Variants in VEZT observed in about 807,000 individuals in gnomAD.
The protein encoded by VEZT is vezatin.
Under a neutral mutation model 79.9 loss-of-function variants are expected in VEZT, and 39 were observed. The observed-to-expected ratio is 0.49, with a 90% confidence interval of 0.38 to 0.64. The LOEUF is 0.64. VEZT is among the 30% of genes least tolerant of loss of function. The pLI, the probability that VEZT is intolerant of heterozygous loss-of-function variation, is 0.00. For missense variants in VEZT, 837 were observed against 893.1 expected, an observed-to-expected ratio of 0.94 and a Z score of 0.80; for synonymous variants, 325 against 327.6, an observed-to-expected ratio of 0.99 and a Z score of 0.09.
intron 9 of VEZT, among the ~76,000 whole-genome samples, chr12:95,292,633 C>G (rs2073178804): frequency 6.6e-6 from 1 of 151,232 alleles, no homozygotes; most frequent in South Asian, 2.1e-4. Flanking sequence ...ACTGCAACCT[C>G]CGCCTCCCAA....
At chr12:95,234,349 G>C (rs1035151632) in intron 1 of VEZT, among the ~76,000 whole-genome samples, 1 of 148,740 alleles carries the variant, frequency 6.7e-6, no homozygotes, top group African/African-American at 2.5e-5. Context: ...GTGCAATGGC[G>C]CGATCTGGGC....
intron 9 of VEZT, among the ~76,000 whole-genome samples, chr12:95,293,410 TA>T (rs2073439662): frequency 6.6e-6 from 1 of 151,956 alleles, no homozygotes; most frequent in Non-Finnish European, 1.5e-5. Context: ...TTCTTTTTTT[TA>T]AGTAGAAAGA....
intron 1 of VEZT, chr12:95,224,066 A>T (rs1425947607): frequency 2.4e-6 from 1 of 420,890 alleles, no homozygotes. Context: ...TAGTTGAGGG[A>T]TTGATGTTAT....
chr12:95,223,405 G>A (rs539832849), intron 1 of VEZT, among the ~76,000 whole-genome samples: 2 of 151,968 alleles, frequency 1.3e-5, no homozygotes, highest in Admixed American at 1.3e-4. Flanking sequence ...TTTTCTTTTT[G>A]TTTTGCATAG....
chr12:95,234,286 T>G (rs2059685863), intron 1 of VEZT, among the ~76,000 whole-genome samples: 3 of 15,076 alleles, frequency 2.0e-4, no homozygotes, highest in African/African-American at 9.9e-4. Flanking sequence ...TCAATAATCT[T>G]TTTTTTTTTT....
chr12:95,258,073 A>G (rs1268212995), intron 3 of VEZT, among the ~76,000 whole-genome samples: 1 of 152,182 alleles, frequency 6.6e-6, no homozygotes, highest in East Asian at 1.9e-4. Flanking sequence ...TCTTTCTGCT[A>G]TAGCATACGA....
At chr12:95,247,757 T>C (rs2061920170) in intron 1 of VEZT, among the ~76,000 whole-genome samples, 1 of 152,134 alleles carries the variant, frequency 6.6e-6, no homozygotes, top group South Asian at 2.1e-4. Context: ...GGAGAAAAAG[T>C]GATAGCAATT....
chr12:95,239,133 G>C (rs567442534), intron 1 of VEZT, among the ~76,000 whole-genome samples: 5 of 152,140 alleles, frequency 3.3e-5, no homozygotes, highest in Non-Finnish European at 7.4e-5. Context: ...GAGAGACTAG[G>C]GGACTAGGGT....
At chr12:95,239,691 C>T (rs1183665100) in intron 1 of VEZT, among the ~76,000 whole-genome samples, 1 of 152,066 alleles carries the variant, frequency 6.6e-6, no homozygotes, top group African/African-American at 2.4e-5. Flanking sequence ...GTAGCTCACA[C>T]CTGTAATCCC....
intron 1 of VEZT, among the ~76,000 whole-genome samples, chr12:95,227,824 G>A (rs1354941474): frequency 6.6e-6 from 1 of 152,192 alleles, no homozygotes; most frequent in East Asian, 1.9e-4. Flanking sequence ...AGGGAAGAGT[G>A]CCTGGAAATA....
intron 9 of VEZT, among the ~76,000 whole-genome samples, chr12:95,292,610 G>T (rs1260493980): frequency 6.7e-6 from 1 of 149,594 alleles, no homozygotes; most frequent in Non-Finnish European, 1.5e-5. Flanking sequence ...GTGCAGTGGC[G>T]CGATCTCGCC....
At chr12:95,266,242 T>C (rs1192783175) in intron 4 of VEZT, 115 bp from the exon 5 acceptor site, 1 of 1,171,730 alleles carries the variant, frequency 8.5e-7, no homozygotes, top group Non-Finnish European at 1.2e-6. Context: ...ACAAAGAAGC[T>C]AGCATTTTAT....
chr12:95,234,176 T>C (rs2136975329), intron 1 of VEZT, among the ~76,000 whole-genome samples: 1 of 152,300 alleles, frequency 6.6e-6, no homozygotes, highest in South Asian at 2.1e-4. Flanking sequence ...CTTCTTTATA[T>C]CCTTTACCCA....
At chr12:95,288,232 G>A (rs557468041) in intron 9 of VEZT, among the ~76,000 whole-genome samples, 1 of 152,140 alleles carries the variant, frequency 6.6e-6, no homozygotes, top group African/African-American at 2.4e-5. Context: ...TTTCTTTTAA[G>A]ATAAAATACT....
At chr12:95,274,622 T>A in intron 6 of VEZT, 120 bp from the exon 7 acceptor site, 1 of 1,052,988 alleles carries the variant, frequency 9.5e-7, no homozygotes, top group Non-Finnish European at 1.3e-6. Context: ...TAAAAACTGC[T>A]GTAAACCTCC....
chr12:95,256,654 A>G, intron 2 of VEZT: 1 of 1,182,102 alleles, frequency 8.5e-7, no homozygotes. Flanking sequence ...TTCAGTAGTA[A>G]AGCTTTTTTA....
intron 1 of VEZT, among the ~76,000 whole-genome samples, chr12:95,240,934 T>A (rs2060922548): frequency 6.6e-6 from 1 of 152,156 alleles, no homozygotes; most frequent in East Asian, 1.9e-4. Context: ...TTGTGAGGGT[T>A]GTCCTGTGCA....
chr12:95,267,879 G>A (rs1400226522), intron 5 of VEZT, among the ~76,000 whole-genome samples: 2 of 152,092 alleles, frequency 1.3e-5, no homozygotes, highest in African/African-American at 4.8e-5. Context: ...AAATTAGCCA[G>A]ACGTGGTGGC....
chr12:95,239,080 T>G (rs1230312953), intron 1 of VEZT, among the ~76,000 whole-genome samples: 1 of 152,220 alleles, frequency 6.6e-6, no homozygotes, highest in Admixed American at 6.5e-5. Flanking sequence ...TACTAAATTT[T>G]GGGGGAAGGA....
Sources: gnomAD v4.1 joint callset for allele counts (sites outside exome capture counted in the v4.1 genomes callset) on GRCh38, gnomAD v4.1.1 for gene constraint, MANE v1.5 for transcripts, NCBI Gene and HGNC (gene_info 2026-07-23, HGNC 2026-07-21) for gene names.